TERT: variants seen among roughly 807,000 people sequenced by gnomAD.
TERT encodes telomerase catalytic subunit.
TERT carries 42 observed loss-of-function variants against 104.0 expected under a neutral mutation model. That is an observed-to-expected ratio of 0.40 (90% CI 0.32 to 0.52). TERT has a LOEUF of 0.52. Among genes scored for constraint, TERT ranks in the 20% least tolerant of loss-of-function variants. The pLI, the probability that TERT is intolerant of heterozygous loss-of-function variation, is 0.43. For missense variants in TERT, 1,101 were observed against 1,610.3 expected (o/e 0.68, Z 5.41); for synonymous variants, 781 against 725.6 (o/e 1.08, Z -1.23).
rs552708120 is a variant in TERT at position 1,271,155 on chromosome 5, C to T, written c.2432G>A (p.Arg811His). Residue 811 changes from arginine (R) to histidine (H), a missense_variant, in exon 8 of 16, where the codon CGC (arginine) becomes CAC (histidine). Transcript: ENST00000310581. ...GCGCACGGCGTGGTGGCACATGAAG[C>T]GTAGGAAGACGTCGAAGAGGCCACT... ...ASSGLFDVFL[R>H]FMCHHAVRIR... is the part of the protein sequence containing the mutation. 1.2e-5 allele frequency: 19 copies of T among 1,613,136 alleles called. No homozygotes were observed. Among genetic ancestry groups the T allele is most frequent in the Admixed American group, 5.0e-5 (3 of 60,028 alleles).
At chr5:1,289,638 A>G (rs1314483276) in intron 2 of TERT, among the ~76,000 whole-genome samples, 2 of 103,616 alleles carry the variant, frequency 1.9e-5, no homozygotes, top group Non-Finnish European at 3.8e-5. Context: ...ACGGCGCCTC[A>G]CTCACCCTGC....
chr5:1,282,832 G>A (rs1359780916), intron 2 of TERT: 7 of 589,320 alleles, frequency 1.2e-5, no homozygotes, highest in African/African-American at 2.2e-5. Context: ...CGGGGACACC[G>A]CATATCCAGC....
intron 11 of TERT, 47 bp downstream of exon 11, chr5:1,264,357 C>T (rs756959184): frequency 2.6e-6 from 4 of 1,566,632 alleles, no homozygotes; most frequent in Non-Finnish European, 2.6e-6. Flanking sequence ...TGCAGCAGCA[C>T]CTGCCCCAGC....
rs756696953 is a variant in TERT, at chr5:1,270,566, G to A, written c.2468+553C>T. Among the ~76,000 whole-genome samples, 7 of 152,184 alleles carry A rather than the reference G, an allele frequency of 4.6e-5. No individual in the cohort carries two copies. The highest frequency in any genetic ancestry group is 1.0e-4 in the Non-Finnish European group (7 of 68,028). On this transcript the variant is annotated intron_variant, in intron 8 of 15. Coordinates refer to ENST00000310581, the MANE Select transcript of TERT (RefSeq NM_198253.3). This position sits in a 1 kb window ranked among gnomAD's most constrained non-coding sequence, Gnocchi z 8.3. ...TGTGTGACGGCAGCTCTCCCAGGCC[G>A]CCTGCCCCATGGCCACCACAGGCCC...
In TERT at chr5:1,293,146, G is replaced by A. The variant is rs188418979; in HGVS notation, c.1573+167C>T. On this transcript the variant is annotated intron_variant, in intron 2 of 15. Coordinates refer to ENST00000310581, the MANE Select transcript of TERT (RefSeq NM_198253.3). ...GTTTATGCAAACTGGACAGGAGGGA[G>A]AGCAGAGGCAGAGATCACCGTGTCC... 5.9e-5 allele frequency among the ~76,000 whole-genome samples: 9 copies of A among 152,358 alleles called. 1 individual carries two copies. In the East Asian group the frequency reaches 1.7e-3, roughly 29 times the overall value.
rs2126692031 is a variant in TERT, at chr5:1,294,877, A to T, written c.113T>A (p.Leu38Gln). ...AGCCGCCGGGTCCCCGCGCTGCACC[A>T]GCCGCCAGCCCTGGGGCCCCAGGCG... is the stretch of plus-strand genomic sequence containing the variant. ...VRRLGPQGWR[L>Q]VQRGDPAAFR... is the part of the protein sequence containing the mutation. The change falls in exon 1 of 16, where the codon CTG becomes CAG. Residue 38 changes from leucine (L) to glutamine (Q), a missense_variant. By Grantham distance (113) the Leu-to-Gln change is moderately radical (BLOSUM62 -2). Transcript: ENST00000310581. 6.9e-7 allele frequency: 1 copy of T among 1,447,438 alleles called. No individual in the cohort carries two copies. The highest frequency in any genetic ancestry group is 9.0e-7 in the Non-Finnish European group (1 of 1,106,882). The allele number at this position is 1,447,438 out of a possible 1,614,324, so 89.7% of individuals were successfully genotyped here. A position where few individuals can be genotyped will look rare whatever the true frequency, so the allele number is the denominator to read the frequency against.
rs1183813255 is a variant in TERT, at chr5:1,260,522, G to C, written c.2922C>G (p.Leu974=). The C allele has an allele frequency of 6.2e-7, 1 of 1,614,078 alleles. No homozygotes were observed. The highest frequency in any genetic ancestry group is 1.1e-5 in the South Asian group (1 of 91,084). The change falls in exon 12 of 16, where the codon CTC becomes CTG. Residue 974 remains leucine (L), a synonymous_variant. Coordinates refer to ENST00000310581, the MANE Select transcript of TERT (RefSeq NM_198253.3). ...GACACTTCAGCCGCAAGACCCCAAA[G>C]AGTTTGCGACGCATGTTCCTCCCAG... The part of the protein sequence containing the change: ...FKAGRNMRRK[L]FGVLRLKCHS...
intron 7 of TERT, 78 bp from the exon 8 acceptor site, chr5:1,271,282 C>T: frequency 1.9e-6 from 2 of 1,034,298 alleles, no homozygotes; most frequent in Non-Finnish European, 3.0e-6. Flanking sequence ...CCAAGACCCT[C>T]CGTCCCTTTT....
At chr5:1,264,763 G>A (rs924478022) in intron 10 of TERT, among the ~76,000 whole-genome samples, 171 bp from the exon 11 acceptor site, 8 of 152,158 alleles carry the variant, frequency 5.3e-5, no homozygotes, top group South Asian at 2.1e-4. Context: ...TCCAGACTTC[G>A]GGGTGCTTTC....
Position 1,268,458 on chromosome 5 carries a change from C to T in TERT, c.2582+62G>A. 1.6e-6 allele frequency: 2 copies of T among 1,258,884 alleles called. No individual in the cohort carries two copies. Among genetic ancestry groups the T allele is most frequent in the East Asian group, 2.4e-5 (1 of 40,956 alleles). 78.0% of individuals were successfully genotyped at this position (1,258,884 alleles called of 1,614,324 possible). A position where few individuals can be genotyped will look rare whatever the true frequency, so the allele number is the denominator to read the frequency against. On this transcript the variant is annotated intron_variant, in intron 9 of 15. Transcript: ENST00000310581. The surrounding 1 kb of genome is among the most constrained non-coding windows in gnomAD (Gnocchi z 5.5). ...CTCCAGAGCACCAGGAATATTAACACTGAATGCATCAAAAGCAAATCAACC... is the reference window on the plus strand; with the variant it reads ...CTCCAGAGCACCAGGAATATTAACATTGAATGCATCAAAAGCAAATCAACC...
At chr5:1,290,553 C>T (rs1280048522) in intron 2 of TERT, among the ~76,000 whole-genome samples, 3 of 63,918 alleles carry the variant, frequency 4.7e-5, no homozygotes. Flanking sequence ...CACCCGGGGA[C>T]GGTGCCTCAC....
At chr5:1,282,874 C>A in intron 2 of TERT, 1 of 573,178 alleles carries the variant, frequency 1.7e-6, no homozygotes, top group South Asian at 1.9e-5. Context: ...CACCCCGGAC[C>A]TGCAGCATCC....
chr5:1,273,971 G>A (rs897398067), intron 6 of TERT, among the ~76,000 whole-genome samples: 3 of 152,198 alleles, frequency 2.0e-5, no homozygotes, highest in Non-Finnish European at 4.4e-5. Context: ...AGAGAGACCG[G>A]CACCCCCACC....
chr5:1,278,560 TCA>T, intron 6 of TERT, 79 bp downstream of exon 6: 2 of 1,592,310 alleles, frequency 1.3e-6, no homozygotes, highest in Non-Finnish European at 8.6e-7. Context: ...CAGAAACGCA[TCA>T]CAGACACGAC....
chr5:1,266,582 C>T (rs575240624), intron 9 of TERT, 47 bp from the exon 10 acceptor site: 36 of 1,446,416 alleles, frequency 2.5e-5, no homozygotes, highest in South Asian at 4.8e-5. Flanking sequence ...ACACTTTTTA[C>T]GTAGTATCTG....
chr5:1,260,824 T>C (rs755894067), intron 11 of TERT, among the ~76,000 whole-genome samples: 18 of 152,252 alleles, frequency 1.2e-4, no homozygotes, highest in Non-Finnish European at 2.5e-4. Context: ...GCTAGTGATG[T>C]TGAGTGTATC....
chr5:1,287,450 G>A lies in TERT; in HGVS notation c.1574-4826C>T, dbSNP rs1046101308. 6.7e-6 allele frequency among the ~76,000 whole-genome samples: 1 copy of A among 150,230 alleles called. No individual in the cohort carries two copies. The highest frequency in any genetic ancestry group is 1.5e-5 in the Non-Finnish European group (1 of 67,822). ...GAAGGTAAAAGTTACACTGACCTGTGATCACACCACTGCACTCACCCTGGG... is the reference window on the plus strand; with the variant it reads ...GAAGGTAAAAGTTACACTGACCTGTAATCACACCACTGCACTCACCCTGGG... On this transcript the variant is annotated intron_variant, in intron 2 of 15. Coordinates refer to ENST00000310581, the MANE Select transcript of TERT (RefSeq NM_198253.3). The surrounding 1 kb of genome is among the most constrained non-coding windows in gnomAD (Gnocchi z 4.3).
chr5:1,253,983 C>G, intron 15 of TERT, 152 bp from the exon 16 acceptor site: 2 of 891,546 alleles, frequency 2.2e-6, no homozygotes, highest in Non-Finnish European at 3.6e-6. Flanking sequence ...ACCCCTCCAC[C>G]GGGGCGAGCA....
intron 3 of TERT, 50 bp from the exon 4 acceptor site, chr5:1,280,388 G>A (rs749176968): frequency 6.3e-7 from 1 of 1,590,422 alleles, no homozygotes; most frequent in South Asian, 1.1e-5. Flanking sequence ...CAACAGACTA[G>A]GGGGAAGCTC....
Sources: allele counts gnomAD v4.1 joint callset (sites outside exome capture counted in the v4.1 genomes callset), GRCh38; gene constraint gnomAD v4.1.1; non-coding constraint Gnocchi (gnomAD v3.1); transcripts MANE v1.5; gene names NCBI Gene and HGNC (gene_info 2026-07-23, HGNC 2026-07-21).